ZNF365: variants seen among roughly 807,000 people sequenced by gnomAD.
ZNF365 encodes zinc finger protein 365.
In ZNF365, 22 loss-of-function variants were observed where a neutral mutation model predicts 35.0. The ratio of observed to expected loss-of-function variants is 0.63; its 90% CI spans 0.45 to 0.90. The LOEUF (loss-of-function observed/expected upper bound fraction) is 0.90, where lower values mean the gene tolerates loss of function less well. ZNF365 is among the 40% of genes least tolerant of loss of function. The probability of loss-of-function intolerance (pLI) is 0.00; values close to 1 mark genes in which losing one functional copy is unlikely to be tolerated. For missense variants in ZNF365, 448 were observed against 500.3 expected (o/e 0.90, Z 1.00); for synonymous variants, 188 against 196.2 (o/e 0.96, Z 0.35).
chr10:62,462,293 C>G (rs560350394), intron 4 of ZNF365, among the ~76,000 whole-genome samples: 14 of 152,246 alleles, frequency 9.2e-5, no homozygotes, highest in Non-Finnish European at 1.3e-4. Flanking sequence ...GGTACTCAGA[C>G]TTGTTCTTCC....
At chr10:62,479,274 T>G (rs939852688) in intron 4 of ZNF365, among the ~76,000 whole-genome samples, 22 of 152,172 alleles carry the variant, frequency 1.4e-4, no homozygotes, top group Non-Finnish European at 1.5e-5. Context: ...ACCAGAACAT[T>G]TTATAATTAG....
At chr10:62,393,280 T>C (rs1839667206) in intron 3 of ZNF365, among the ~76,000 whole-genome samples, 2 of 152,242 alleles carry the variant, frequency 1.3e-5, no homozygotes, top group Admixed American at 6.5e-5. Context: ...AGATTAAAAG[T>C]ATAGTATAGT....
At chr10:62,433,936 C>CTGAA (rs1441774436) in intron 3 of ZNF365, among the ~76,000 whole-genome samples, 1 of 152,146 alleles carries the variant, frequency 6.6e-6, no homozygotes, top group East Asian at 1.9e-4. Context: ...GGTCCAGGAA[C>CTGAA]TGAAGATTCT....
At chr10:62,461,519 G>A (rs1840847232) in intron 4 of ZNF365, among the ~76,000 whole-genome samples, 3 of 152,332 alleles carry the variant, frequency 2.0e-5, no homozygotes, top group South Asian at 2.1e-4. Flanking sequence ...TTTCCTGACC[G>A]TGTTCCGCAC....
intron 4 of ZNF365, among the ~76,000 whole-genome samples, chr10:62,470,724 C>A (rs1841019751): frequency 1.3e-5 from 2 of 152,132 alleles, no homozygotes; most frequent in South Asian, 4.1e-4. Flanking sequence ...TTTTCTTGAT[C>A]AGTGTTGCAG....
At chr10:62,406,662 A>G (rs1348696275), downstream of ZNF365, among the ~76,000 whole-genome samples, 2 of 152,218 alleles carry the variant, frequency 1.3e-5, no homozygotes, top group African/African-American at 2.4e-5. Context: ...TTGCAGAATG[A>G]ACAGGATTGG....
At chr10:62,445,982 T>C (rs1379286568) in intron 3 of ZNF365, among the ~76,000 whole-genome samples, 1 of 152,156 alleles carries the variant, frequency 6.6e-6, no homozygotes, top group Non-Finnish European at 1.5e-5. Context: ...TAGATTGGGT[T>C]GAGCTGATTT....
intron 4 of ZNF365, among the ~76,000 whole-genome samples, chr10:62,469,663 G>T (rs1040471915): frequency 6.6e-5 from 10 of 152,026 alleles, no homozygotes; most frequent in African/African-American, 1.4e-4. Flanking sequence ...TTGTAAACTT[G>T]TACTTTATTA....
chr10:62,458,107 C>T (rs1840790217), intron 3 of ZNF365, among the ~76,000 whole-genome samples: 2 of 152,312 alleles, frequency 1.3e-5, no homozygotes, highest in South Asian at 2.1e-4. Context: ...AAAAGTCAAA[C>T]GGTGCAACCA....
chr10:62,460,422 G>A (rs1840828799), intron 4 of ZNF365, among the ~76,000 whole-genome samples: 1 of 152,156 alleles, frequency 6.6e-6, no homozygotes, highest in African/African-American at 2.4e-5. Context: ...TTAGGCACAG[G>A]AAGAGATGAA....
At chr10:62,461,293 G>A (rs890276003) in intron 4 of ZNF365, among the ~76,000 whole-genome samples, 2 of 152,218 alleles carry the variant, frequency 1.3e-5, no homozygotes, top group Non-Finnish European at 2.9e-5. Context: ...TGGAGGAGCT[G>A]GTAAAGCTGG....
chr10:62,471,977 T>G (rs1275435116), intron 4 of ZNF365, among the ~76,000 whole-genome samples: 1 of 152,234 alleles, frequency 6.6e-6, no homozygotes, highest in Admixed American at 6.5e-5. Flanking sequence ...GAATGGAAAT[T>G]GCCTGTAAGT....
At chr10:62,415,947 G>T (rs1213343904) in intron 3 of ZNF365, among the ~76,000 whole-genome samples, 1 of 152,156 alleles carries the variant, frequency 6.6e-6, no homozygotes, top group African/African-American at 2.4e-5. Flanking sequence ...ACAGCTATCT[G>T]ATGTTTTTGA....
chr10:62,457,573 C>G (rs1273432170), intron 3 of ZNF365, among the ~76,000 whole-genome samples: 1 of 152,312 alleles, frequency 6.6e-6, no homozygotes, highest in East Asian at 1.9e-4. Context: ...ACCACAGTGA[C>G]AATTATAACT....
rs536638209 is a variant in ZNF365, at chr10:62,415,516, G to T, written c.924+26940G>T. On this transcript the variant is annotated intron_variant, in intron 3 of 4. Coordinates refer to the ZNF365 transcript ENST00000395255. ...TCTCTCTCTAGAAGAATCTAATCTTGATCTCATTAGCATTATGAAACAGTA... is the reference window on the plus strand; with the variant it reads ...TCTCTCTCTAGAAGAATCTAATCTTTATCTCATTAGCATTATGAAACAGTA... Among the ~76,000 whole-genome samples, 10 of 152,118 alleles carry T rather than the reference G, an allele frequency of 6.6e-5. No homozygotes were observed. In the East Asian group the frequency reaches 1.9e-3, roughly 29 times the overall value.
chr10:62,453,005 A>C (rs569306581), intron 3 of ZNF365, among the ~76,000 whole-genome samples: 47 of 152,368 alleles, frequency 3.1e-4, no homozygotes, highest in Non-Finnish European at 6.0e-4. Flanking sequence ...TTTTTAAATA[A>C]TAAAAATATT....
chr10:62,431,599 C>T (rs1292699106), intron 3 of ZNF365, among the ~76,000 whole-genome samples: 1 of 152,096 alleles, frequency 6.6e-6, no homozygotes, highest in Non-Finnish European at 1.5e-5. Flanking sequence ...ACCAATGCCA[C>T]GATGCAGATC....
At chr10:62,440,389 C>CCT (rs10632836) in intron 3 of ZNF365, among the ~76,000 whole-genome samples, 104,819 of 151,340 alleles carry the variant, frequency 0.69, 37,327 homozygotes, top group Non-Finnish European at 0.79. Flanking sequence ...CTTTTCTGCT[C>CCT]CTCCCTCCTC....
At chr10:62,449,925 T>C (rs1347809492) in intron 3 of ZNF365, among the ~76,000 whole-genome samples, 1 of 152,112 alleles carries the variant, frequency 6.6e-6, no homozygotes, top group Admixed American at 6.6e-5. Context: ...AATGTAATTA[T>C]TTGGGTAATT....
Sources: allele counts gnomAD v4.1 joint callset (sites outside exome capture counted in the v4.1 genomes callset), GRCh38; gene constraint gnomAD v4.1.1; transcripts MANE v1.5; gene names NCBI Gene and HGNC (gene_info 2026-07-23, HGNC 2026-07-21).